The following ROBO2 variants were observed in gnomAD, a reference collection of about 807,000 sequenced individuals.
The protein encoded by ROBO2 is roundabout homolog 2.
Under a neutral mutation model 160.8 loss-of-function variants are expected in ROBO2, and 53 were observed. The observed-to-expected ratio is 0.33, with a 90% CI of 0.26 to 0.41. The LOEUF is 0.41. Among genes scored for constraint, ROBO2 ranks in the 10% least tolerant of loss-of-function variants. ROBO2 has a pLI of 1.00. For synonymous variants in ROBO2, 664 were observed against 611.7 expected, an observed-to-expected ratio of 1.09 and a Z score of -1.26; for missense variants, 1,577 against 1,722.4, an observed-to-expected ratio of 0.92 and a Z score of 1.49.
rs34989735 is a variant in ROBO2, at chr3:77,480,302, CA to C, written c.547-785del. On this transcript the variant is annotated intron_variant, in intron 3 of 25. Transcript: ENST00000461745. ...AGCTAATATTGAATTAAATGAGTAC[CA>C]AAAAAAAAAAACTGGAAAAGAAACT... Among the ~76,000 whole-genome samples, 51 of 145,780 alleles carry C rather than the reference CA, an allele frequency of 3.5e-4. 1 individual carries two copies. Among genetic ancestry groups the C allele is most frequent in the East Asian group, 1.0e-3 (5 of 4,986 alleles).
rs1249638356 is a variant in ROBO2, at chr3:77,117,964, A to C, written c.388+19624A>C. Among the ~76,000 whole-genome samples, 6 of 152,318 alleles carry C rather than the reference A, an allele frequency of 3.9e-5. No individual in the cohort carries two copies. In the East Asian group the frequency reaches 9.6e-4, roughly 24 times the overall value. On this transcript the variant is annotated intron_variant, in intron 2 of 25. Coordinates refer to ENST00000461745, the Ensembl canonical transcript of ROBO2. ...GAAATGTTACCTTTGTTCACAAAAT[A>C]AGGATTGAGCTCTTTGACATTGCAG...
At chr3:75,978,552 G>T (rs952524574) in intron 2 of ROBO2, among the ~76,000 whole-genome samples, 2 of 151,330 alleles carry the variant, frequency 1.3e-5, no homozygotes, top group Non-Finnish European at 3.0e-5. Flanking sequence ...AAATAAAAAA[G>T]CTGTCTGAAA....
At chr3:77,450,644 A>G (rs986463405) in intron 2 of ROBO2, among the ~76,000 whole-genome samples, 20 of 152,242 alleles carry the variant, frequency 1.3e-4, no homozygotes, top group African/African-American at 4.1e-4. Flanking sequence ...GTGGATACTT[A>G]TACGTGAGAT....
At chr3:76,839,176 G>A (rs1252447343) in intron 2 of ROBO2, among the ~76,000 whole-genome samples, 1 of 152,008 alleles carries the variant, frequency 6.6e-6, no homozygotes, top group Admixed American at 6.6e-5. Flanking sequence ...AAACTTCAAA[G>A]CAAGAATTCT....
At chr3:77,289,269 T>G (rs1329589965) in intron 2 of ROBO2, among the ~76,000 whole-genome samples, 2 of 152,100 alleles carry the variant, frequency 1.3e-5, no homozygotes, top group Non-Finnish European at 2.9e-5. Flanking sequence ...AAGTGACAAT[T>G]GAGAAAGACA....
intron 2 of ROBO2, among the ~76,000 whole-genome samples, chr3:77,270,519 G>A (rs1397355490): frequency 1.3e-5 from 2 of 151,966 alleles, no homozygotes; most frequent in Non-Finnish European, 2.9e-5. Flanking sequence ...GACATTTGAA[G>A]ATTGCTGTTG....
Position 76,707,334 on chromosome 3 carries a change from A to G in ROBO2, c.110-390680A>G, listed in dbSNP as rs748800038. On this transcript the variant is annotated intron_variant, in intron 2 of 26. Coordinates refer to the ROBO2 transcript ENST00000487694. The stretch of plus-strand genomic sequence containing the variant: ...ATAATAGGTGATTCCTTTGGCCATT[A>G]TTGGTTAAGTCCACTCTCTTCAGCT... Among the ~76,000 whole-genome samples the G allele has an allele frequency of 1.5e-3, 222 of 152,212 alleles. 2 individuals are homozygous for G. Among genetic ancestry groups the G allele is most frequent in the Non-Finnish European group, 2.6e-3 (177 of 68,000 alleles).
chr3:77,557,815 A>C, intron 8 of ROBO2, 129 bp from the exon 10 acceptor site: 1 of 731,030 alleles, frequency 1.4e-6, no homozygotes, highest in Non-Finnish European at 2.4e-6. Flanking sequence ...AAGAATATAC[A>C]TATTGCTTAG....
intron 2 of ROBO2, among the ~76,000 whole-genome samples, chr3:75,946,581 T>C (rs72888456): frequency 6.6e-6 from 1 of 152,098 alleles, no homozygotes; most frequent in African/African-American, 2.4e-5. Context: ...GTATTTCAGA[T>C]AATTTTTCTC....
At chr3:77,108,889 T>C (rs2073206456) in intron 2 of ROBO2, among the ~76,000 whole-genome samples, 3 of 152,148 alleles carry the variant, frequency 2.0e-5, no homozygotes, top group Admixed American at 1.3e-4. Context: ...TGAGCTTTCA[T>C]GTTATCCTAG....
At chr3:76,955,221 G>A (rs568397906) in intron 2 of ROBO2, among the ~76,000 whole-genome samples, 1 of 152,208 alleles carries the variant, frequency 6.6e-6, no homozygotes, top group East Asian at 1.9e-4. Context: ...TTACTTGACG[G>A]AATAATATTC....
chr3:77,014,156 T>C (rs1194015550), intron 2 of ROBO2, among the ~76,000 whole-genome samples: 1 of 152,162 alleles, frequency 6.6e-6, no homozygotes, highest in East Asian at 1.9e-4. Flanking sequence ...TTTTTGAGGC[T>C]GAATTTTAGA....
intron 2 of ROBO2, among the ~76,000 whole-genome samples, chr3:77,010,643 C>A (rs998166529): frequency 2.0e-5 from 3 of 152,032 alleles, no homozygotes; most frequent in African/African-American, 4.8e-5. Flanking sequence ...TCCTCAGATG[C>A]CTTTCTTCAG....
Position 76,152,926 on chromosome 3 carries a change from TA to T in ROBO2, c.109+215327del, listed in dbSNP as rs369917630. Among the ~76,000 whole-genome samples the T allele has an allele frequency of 1.6e-4, 24 of 152,290 alleles. No individual in the cohort carries two copies. In the South Asian group the frequency reaches 5.0e-3, roughly 32 times the overall value. Reference sequence around the variant, plus strand: ...AATATAATTTAACAAAGTCAGTATTTAAATTTAGATCTGCCTTCTTCTAAAT... The same window carrying T: ...AATATAATTTAACAAAGTCAGTATTTAATTTAGATCTGCCTTCTTCTAAAT... On this transcript the variant is annotated intron_variant, in intron 2 of 26. Transcript: ENST00000487694.
intron 2 of ROBO2, among the ~76,000 whole-genome samples, chr3:77,284,219 A>G (rs1483345016): frequency 2.0e-5 from 3 of 152,164 alleles, no homozygotes; most frequent in Non-Finnish European, 4.4e-5. Flanking sequence ...AGTATGGCTT[A>G]CCAAGCCCTA....
chr3:77,129,004 A>C (rs1337306484), intron 2 of ROBO2, among the ~76,000 whole-genome samples: 1 of 152,124 alleles, frequency 6.6e-6, no homozygotes, highest in Non-Finnish European at 1.5e-5. Context: ...TGAGGCTAAA[A>C]GCTGTTGCGT....
chr3:77,522,646 C>T, intron 5 of ROBO2, 129 bp from the exon 6 acceptor site: 2 of 891,778 alleles, frequency 2.2e-6, no homozygotes, highest in South Asian at 3.1e-5. Context: ...CACTTTGTGG[C>T]TGATTTGTGT....
intron 2 of ROBO2, among the ~76,000 whole-genome samples, chr3:77,360,880 T>C (rs974652814): frequency 9.0e-6 from 1 of 111,328 alleles, no homozygotes; most frequent in Admixed American, 1.0e-4. Context: ...AGGTGGGTGC[T>C]AAAATATTTT....
intron 2 of ROBO2, among the ~76,000 whole-genome samples, chr3:77,297,855 A>C (rs1290702211): frequency 6.6e-6 from 1 of 152,148 alleles, no homozygotes; most frequent in African/African-American, 2.4e-5. Flanking sequence ...CATGTGTAGA[A>C]AGGAGGAAAC....
Sources: allele counts gnomAD v4.1 joint callset (sites outside exome capture counted in the v4.1 genomes callset), GRCh38; gene constraint gnomAD v4.1.1; transcripts MANE v1.5; gene names NCBI Gene and HGNC (gene_info 2026-07-23, HGNC 2026-07-21).